The following YJU2 variants were observed in gnomAD, a reference collection of about 807,000 sequenced individuals.
YJU2 encodes splicing factor YJU2.
In YJU2, 28 loss-of-function variants were observed where a neutral mutation model predicts 39.6. The ratio of observed to expected loss-of-function variants is 0.71; its 90% CI spans 0.52 to 0.97. The LOEUF (loss-of-function observed/expected upper bound fraction) is 0.97. Ranked by LOEUF, YJU2 falls within the 50% of genes least tolerant of loss-of-function variation. The pLI is 0.00. For missense variants in YJU2, 328 were observed against 430.4 expected, an observed-to-expected ratio of 0.76 and a Z score of 2.11; for synonymous variants, 184 against 182.4, an observed-to-expected ratio of 1.01 and a Z score of -0.07.
intron 4 of YJU2, among the ~76,000 whole-genome samples, chr19:4,256,254 C>G (rs928557033): frequency 6.8e-6 from 1 of 146,640 alleles, no homozygotes; most frequent in Admixed American, 7.0e-5. Context: ...ATATATAAAA[C>G]AGATTTTTAA....
chr19:4,248,286 C>G (rs1599494901), intron 1 of YJU2: 1 of 152,186 alleles, frequency 6.6e-6, no homozygotes, highest in Non-Finnish European at 1.5e-5. Context: ...CTCCACTGCA[C>G]CACTGGAAAA....
chr19:4,258,217 A>AGCCCCGCC, intron 4 of YJU2, 25 bp from the exon 5 acceptor site: 1 of 1,549,024 alleles, frequency 6.5e-7, no homozygotes, highest in Non-Finnish European at 8.7e-7. Flanking sequence ...CCATGCACTC[A>AGCCCCGCC]GCCCCGCCGC....
chr19:4,259,367 C>T (rs747868610), intron 5 of YJU2, among the ~76,000 whole-genome samples: 1 of 151,898 alleles, frequency 6.6e-6, no homozygotes. Context: ...GCGTGAGCCA[C>T]CGCGCCCGGA....
At position 4,267,605 on chromosome 19, in the gene YJU2, G is replaced by A; in HGVS notation, c.709-19G>A. The A allele has an allele frequency of 6.2e-7, 1 of 1,609,944 alleles. No individual in the cohort carries two copies. Among genetic ancestry groups the A allele is most frequent in the Non-Finnish European group, 8.5e-7 (1 of 1,178,268 alleles). On this transcript the variant is annotated intron_variant, in intron 6 of 7. Coordinates refer to ENST00000262962, the MANE Select transcript of YJU2 (RefSeq NM_018074.6). ...CTGGATCCGGGCCAGACCCCCACATGTGTCCCCATCACCTGCAGGCCCCAA... is the reference window on the plus strand; with the variant it reads ...CTGGATCCGGGCCAGACCCCCACATATGTCCCCATCACCTGCAGGCCCCAA...
rs1337163895 is a variant in YJU2 at position 4,247,622 on chromosome 19, T to C, written c.24+452T>C. 4.9e-3 allele frequency among the ~76,000 whole-genome samples: 135 copies of C among 27,708 alleles called. 11 individuals are homozygous for C. Among genetic ancestry groups the C allele is most frequent in the East Asian group, 0.013 (11 of 850 alleles). 18.2% of individuals were successfully genotyped at this position (27,708 alleles called of 152,430 possible). A position where few individuals can be genotyped will look rare whatever the true frequency, so the allele number is the denominator to read the frequency against. Reference sequence around the variant, plus strand: ...GTGTGTGTGTGTGTGTGTGTGTGTGTGTGTGTGTGTGTGTGTGTGTGTGTG... The same window carrying C: ...GTGTGTGTGTGTGTGTGTGTGTGTGCGTGTGTGTGTGTGTGTGTGTGTGTG... On this transcript the variant is annotated intron_variant, in intron 1 of 7. Transcript: ENST00000262962.
intron 6 of YJU2, among the ~76,000 whole-genome samples, chr19:4,264,572 C>T (rs960321860): frequency 8.6e-5 from 13 of 151,460 alleles, no homozygotes; most frequent in East Asian, 3.9e-4. Flanking sequence ...CTGCAACCTT[C>T]GCCCCCCGGG....
At chr19:4,259,423 A>G (rs925211221) in intron 5 of YJU2, among the ~76,000 whole-genome samples, 1 of 151,988 alleles carries the variant, frequency 6.6e-6, no homozygotes, top group African/African-American at 2.4e-5. Context: ...TCTGCCGCCC[A>G]GGCTGGAGTG....
chr19:4,252,250 A>C (rs1017057840), intron 3 of YJU2, among the ~76,000 whole-genome samples: 3 of 151,908 alleles, frequency 2.0e-5, no homozygotes, highest in Non-Finnish European at 2.9e-5. Flanking sequence ...AGTTGAGGTC[A>C]GGAGTTCGAG....
chr19:4,249,302 G>A lies in YJU2; in HGVS notation c.99G>A (p.Val33=), dbSNP rs1184094168. Residue 33 remains valine (V), a synonymous_variant, in exon 2 of 8, where the codon GTG becomes GTA. Coordinates refer to ENST00000262962, the MANE Select transcript of YJU2 (RefSeq NM_018074.6). ...LKLPKDRQYV[V]RLMAPFNMRC... ...TCCCCAAAGACCGGCAGTACGTGGT[G>A]CGGCTGATGGCCCCCTTCAACATGA... 4.9e-5 allele frequency: 79 copies of A among 1,613,642 alleles called. 1 individual carries two copies. The highest frequency in any genetic ancestry group is 6.5e-5 in the Non-Finnish European group (77 of 1,179,722).
At chr19:4,255,721 CTG>C (rs1190602072) in intron 4 of YJU2, among the ~76,000 whole-genome samples, 1 of 103,486 alleles carries the variant, frequency 9.7e-6, no homozygotes, top group Non-Finnish European at 1.7e-5. Flanking sequence ...GAGCAAGATT[CTG>C]TGTCAAAAAA....
intron 3 of YJU2, among the ~76,000 whole-genome samples, chr19:4,252,572 C>G (rs1041896889): frequency 4.6e-5 from 7 of 152,016 alleles, no homozygotes; most frequent in African/African-American, 1.4e-4. Flanking sequence ...CCACTGCACT[C>G]CAGCCTGGGC....
In YJU2 at chr19:4,268,821, AG is replaced by A; in HGVS notation, c.*126del. ...ACTGGAGGCCGGACAGACAAGCGCC[AG>A]CGTGCTCCAACACATAGGGCCACCA... On this transcript the variant is annotated 3_prime_UTR_variant, in exon 8 of 8. Transcript: ENST00000262962. The A allele has an allele frequency of 1.4e-6, 1 of 694,638 alleles. No homozygotes were observed. Among genetic ancestry groups the A allele is most frequent in the Non-Finnish European group, 2.5e-6 (1 of 405,258 alleles). 43.0% of individuals were successfully genotyped at this position (694,638 alleles called of 1,614,324 possible). A position where few individuals can be genotyped will look rare whatever the true frequency, so the allele number is the denominator to read the frequency against.
At chr19:4,261,751 C>T (rs1450871300) in intron 5 of YJU2, among the ~76,000 whole-genome samples, 1 of 152,026 alleles carries the variant, frequency 6.6e-6, no homozygotes, top group Non-Finnish European at 1.5e-5. Context: ...ATCGCTTGAG[C>T]CCAGGAGGTT....
At chr19:4,250,560 G>A (rs542636227) in intron 2 of YJU2, among the ~76,000 whole-genome samples, 3 of 152,178 alleles carry the variant, frequency 2.0e-5, no homozygotes, top group East Asian at 3.9e-4. Context: ...GGTGTCGCCG[G>A]CCATGAGACT....
At chr19:4,247,340 G>C in intron 1 of YJU2, 170 bp downstream of exon 1, 1 of 579,866 alleles carries the variant, frequency 1.7e-6, no homozygotes. Flanking sequence ...GCCTTCCGTC[G>C]GGGGGGTGGG....
rs73528463 is a variant in YJU2 at position 4,259,715 on chromosome 19, C to T, written c.587+1292C>T. ...TTGACGCCGACCACCTCTGAGCCCG[C>T]GTGCTGATCCCCTCCTTTCCTGGTG... On this transcript the variant is annotated intron_variant, in intron 5 of 7. Coordinates refer to ENST00000262962, the MANE Select transcript of YJU2 (RefSeq NM_018074.6). 5.3e-3 allele frequency among the ~76,000 whole-genome samples: 804 copies of T among 152,196 alleles called. 6 individuals carry two copies. Among genetic ancestry groups the T allele is most frequent in the African/African-American group, 0.019 (771 of 41,528 alleles).
In YJU2 at chr19:4,247,601, GT is replaced by G. The variant is rs1376069411; in HGVS notation, c.24+432del. ...GTGGCGCGTGTGTGTGTGTGTGTGT[GT>G]GTGTGTGTGTGTGTGTGTGTGTGTG... On this transcript the variant is annotated intron_variant, in intron 1 of 7. Transcript: ENST00000262962. Among the ~76,000 whole-genome samples, 130 of 14,120 alleles carry G rather than the reference GT, an allele frequency of 9.2e-3. 13 individuals are homozygous for G. The highest frequency in any genetic ancestry group is 0.019 in the East Asian group (11 of 590). The allele number at this position is 14,120 out of a possible 152,430, so 9.3% of individuals were successfully genotyped here.
At chr19:4,268,462 C>G (rs1306509294) in intron 7 of YJU2, 122 bp from the exon 8 acceptor site, 1 of 650,908 alleles carries the variant, frequency 1.5e-6, no homozygotes, top group East Asian at 2.7e-5. Flanking sequence ...CCAGAAAGGC[C>G]AGGCCATTCA....
chr19:4,247,574 GGGTGGCGCGTGTGTGTGT>G (rs1568359441), intron 1 of YJU2, among the ~76,000 whole-genome samples: 2 of 81,644 alleles, frequency 2.4e-5, no homozygotes, highest in African/African-American at 2.4e-4. Flanking sequence ...GGGTGGGGTG[GGGTGGCGCGTGTGTGTGT>G]GTGTGTGTGT....
Sources: gnomAD v4.1 joint callset for allele counts (sites outside exome capture counted in the v4.1 genomes callset) on GRCh38, gnomAD v4.1.1 for gene constraint, MANE v1.5 for transcripts, NCBI Gene and HGNC (gene_info 2026-07-23, HGNC 2026-07-21) for gene names.